Variants in CLDN14 observed in about 807,000 individuals in gnomAD.
CLDN14 encodes claudin-14.
In CLDN14, 2 loss-of-function variants were observed where a neutral mutation model predicts 2.1. The ratio of observed to expected loss-of-function variants is 0.96; its 90% CI spans 0.39 to 3.01. The LOEUF (loss-of-function observed/expected upper bound fraction) is 3.01, where lower values mean the gene tolerates loss of function less well. Ranked by LOEUF, CLDN14 falls within the 30% of genes most tolerant of loss-of-function variation. The pLI, the probability that CLDN14 is intolerant of heterozygous loss-of-function variation, is 0.09. For synonymous variants in CLDN14, 136 were observed against 154.4 expected, an observed-to-expected ratio of 0.88 and a Z score of 0.88; for missense variants, 298 against 328.0, an observed-to-expected ratio of 0.91 and a Z score of 0.71.
At chr21:36,538,685 C>G (rs184888948) in intron 1 of CLDN14, among the ~76,000 whole-genome samples, 14 of 152,200 alleles carry the variant, frequency 9.2e-5, no homozygotes, top group Admixed American at 9.2e-4. Context: ...CGTCCAGCAG[C>G]AGTCGGTAAG....
chr21:36,530,609 G>A (rs2087372072), intron 1 of CLDN14, among the ~76,000 whole-genome samples: 1 of 152,216 alleles, frequency 6.6e-6, no homozygotes, highest in Non-Finnish European at 1.5e-5. Flanking sequence ...GACAGTAAGT[G>A]AAACCCAAGC....
At chr21:36,523,633 A>G (rs1375789537) in intron 1 of CLDN14, among the ~76,000 whole-genome samples, 1 of 151,352 alleles carries the variant, frequency 6.6e-6, no homozygotes, top group Non-Finnish European at 1.5e-5. Context: ...TTGTAACCCC[A>G]GCTACTCGGG....
In CLDN14 at chr21:36,488,281, CTT is replaced by C. The variant is rs1279077503; in HGVS notation, c.-82+22080_-82+22081del. 1.3e-3 allele frequency among the ~76,000 whole-genome samples: 189 copies of C among 149,960 alleles called. 1 individual carries two copies. The highest frequency in any genetic ancestry group is 4.5e-3 in the African/African-American group (180 of 40,338). The stretch of plus-strand genomic sequence containing the variant: ...TCCTTCCTTCCTTCCTTCCCTCTCT[CTT>C]TCTTTTTGAGACAGAGTCTCACTCT... On this transcript the variant is annotated intron_variant, in intron 2 of 2. Transcript: ENST00000342108.
intron 1 of CLDN14, among the ~76,000 whole-genome samples, chr21:36,470,954 T>G (rs767571872): frequency 8.5e-5 from 13 of 152,184 alleles, no homozygotes; most frequent in Non-Finnish European, 1.8e-4. Context: ...CCAGCCTGAG[T>G]GAGAGAGCAA....
chr21:36,491,407 G>A (rs1015201778), intron 2 of CLDN14, among the ~76,000 whole-genome samples: 28 of 152,184 alleles, frequency 1.8e-4, no homozygotes, highest in African/African-American at 6.0e-4. Flanking sequence ...GCGAAACGGC[G>A]AGGAATGTAG....
chr21:36,552,001 T>C (rs539009672), intron 1 of CLDN14, among the ~76,000 whole-genome samples: 1 of 152,280 alleles, frequency 6.6e-6, no homozygotes, highest in East Asian at 1.9e-4. Context: ...TACAGTTTGC[T>C]AACAGTAAAA....
In CLDN14 at chr21:36,489,120, A is replaced by AAAAAAT. The variant is rs1379371333; in HGVS notation, c.-82+21242_-82+21243insATTTTT. 2.4e-3 allele frequency among the ~76,000 whole-genome samples: 175 copies of AAAAAAT among 73,432 alleles called. 2 individuals carry two copies. The highest frequency in any genetic ancestry group is 4.8e-3 in the African/African-American group (121 of 24,960). The allele number at this position is 73,432 out of a possible 152,430, so 48.2% of individuals were successfully genotyped here. On this transcript the variant is annotated intron_variant, in intron 2 of 2. Transcript: ENST00000342108. ...GTGAGTGAGAGTCTGTCTCAAAGAAAAAAAAAAAAAAATATATATATATAT... is the reference window on the plus strand; with the variant it reads ...GTGAGTGAGAGTCTGTCTCAAAGAAAAAAAATAAAAAAAAAAAATATATATATATAT...
chr21:36,555,880 C>T (rs940647957), intron 1 of CLDN14, among the ~76,000 whole-genome samples: 14 of 151,540 alleles, frequency 9.2e-5, no homozygotes, highest in East Asian at 5.8e-4. Context: ...TGTGTGTGCA[C>T]GCACAGCATA....
At chr21:36,517,300 T>C (rs886518410) in intron 1 of CLDN14, among the ~76,000 whole-genome samples, 3 of 152,228 alleles carry the variant, frequency 2.0e-5, no homozygotes, top group Non-Finnish European at 2.9e-5. Context: ...ATCCTACCAC[T>C]ATAGTGCTGA....
chr21:36,530,191 T>C (rs1033110111), intron 1 of CLDN14, among the ~76,000 whole-genome samples: 4 of 152,194 alleles, frequency 2.6e-5, no homozygotes, highest in African/African-American at 7.2e-5. Flanking sequence ...GGTAGAAGCA[T>C]TGTGGGAAGC....
chr21:36,510,228 G>A (rs988822879), intron 2 of CLDN14: 4 of 152,268 alleles, frequency 2.6e-5, no homozygotes, highest in African/African-American at 9.6e-5. Context: ...CAGAGGCAGT[G>A]TCAGTATTTT....
chr21:36,573,446 T>C (rs79702564), intron 1 of CLDN14, among the ~76,000 whole-genome samples: 1,843 of 152,308 alleles, frequency 0.012, 36 homozygotes, highest in African/African-American at 0.043. Flanking sequence ...GGGTATTATG[T>C]AGAAGCTTAA....
intron 1 of CLDN14, among the ~76,000 whole-genome samples, chr21:36,546,116 G>T (rs1190238129): frequency 6.6e-6 from 1 of 152,176 alleles, no homozygotes; most frequent in Non-Finnish European, 1.5e-5. Flanking sequence ...TTTATTCTTG[G>T]ATTAATCCAG....
intron 1 of CLDN14, among the ~76,000 whole-genome samples, chr21:36,527,803 T>A (rs893375137): frequency 6.6e-6 from 1 of 152,144 alleles, no homozygotes; most frequent in Non-Finnish European, 1.5e-5. Context: ...TCTTTTTTTT[T>A]TCTTGTTGCT....
intron 1 of CLDN14, among the ~76,000 whole-genome samples, chr21:36,521,700 G>A (rs915024869): frequency 1.3e-5 from 2 of 152,194 alleles, no homozygotes; most frequent in Non-Finnish European, 2.9e-5. Context: ...GCTGGGAGTA[G>A]GGGCCGGGAC....
intron 1 of CLDN14, among the ~76,000 whole-genome samples, chr21:36,525,628 G>A (rs2087320466): frequency 6.6e-6 from 1 of 152,156 alleles, no homozygotes; most frequent in South Asian, 2.1e-4. Context: ...TGACTTCCAA[G>A]CTGGTGAGCA....
chr21:36,518,075 T>TACACAC (rs3030072), intron 1 of CLDN14, among the ~76,000 whole-genome samples: 2,140 of 148,518 alleles, frequency 0.014, 45 homozygotes, highest in African/African-American at 0.048. Flanking sequence ...CTTACATACG[T>TACACAC]ACACACACAC....
In CLDN14 at chr21:36,486,757, C is replaced by T. The variant is rs1317236314; in HGVS notation, c.-82+23606G>A. On this transcript the variant is annotated intron_variant, in intron 2 of 2. Coordinates refer to the CLDN14 transcript ENST00000342108. ...GATCCTTCTCATTGCCTTTGGGCTT[C>T]CCACGAAGGCAATGATATGCGTCTT... The T allele has an allele frequency of 1.6e-5, 14 of 886,132 alleles. No homozygotes were observed. In the African/African-American group the frequency reaches 1.8e-4, roughly 11 times the overall value. 54.9% of individuals were successfully genotyped at this position (886,132 alleles called of 1,614,324 possible).
Position 36,501,032 on chromosome 21 carries a change from G to T in CLDN14, c.-82+9331C>A, listed in dbSNP as rs188933334. Among the ~76,000 whole-genome samples the T allele has an allele frequency of 3.3e-5, 5 of 152,346 alleles. No individual in the cohort carries two copies. In the East Asian group the frequency reaches 9.6e-4, roughly 29 times the overall value. On this transcript the variant is annotated intron_variant, in intron 2 of 2. Coordinates refer to the CLDN14 transcript ENST00000342108. ...CAAGGTAGCCCAGCTAACACCCGGG[G>T]GGTGCGGCTCAGCCGCAGGTCTTCT...
Sources: gnomAD v4.1 joint callset for allele counts (sites outside exome capture counted in the v4.1 genomes callset) on GRCh38, gnomAD v4.1.1 for gene constraint, MANE v1.5 for transcripts, NCBI Gene and HGNC (gene_info 2026-07-23, HGNC 2026-07-21) for gene names.